PRKACB: variants seen among roughly 807,000 people sequenced by gnomAD.
The protein encoded by PRKACB is protein kinase cAMP-activated catalytic subunit beta, also known as cAMP-dependent protein kinase catalytic subunit beta.
A neutral mutation model predicts 51.4 loss-of-function variants in PRKACB; 16 were observed. The observed-to-expected ratio is 0.31, with a 90% CI of 0.21 to 0.47. The LOEUF (loss-of-function observed/expected upper bound fraction) is 0.47. PRKACB is among the 20% of genes least tolerant of loss of function. The pLI, the probability that PRKACB is intolerant of heterozygous loss-of-function variation, is 1.00. For synonymous variants in PRKACB, 147 were observed against 154.4 expected, an observed-to-expected ratio of 0.95 and a Z score of 0.35; for missense variants, 309 against 464.5, an observed-to-expected ratio of 0.67 and a Z score of 3.08.
intron 8 of PRKACB, among the ~76,000 whole-genome samples, chr1:84,209,907 T>C (rs997651959): frequency 1.8e-4 from 27 of 152,370 alleles, no homozygotes; most frequent in African/African-American, 6.5e-4. Flanking sequence ...TGAATTTCAA[T>C]TCATGCATTC....
chr1:84,142,149 T>C (rs982792807), upstream of PRKACB, among the ~76,000 whole-genome samples: 6 of 152,178 alleles, frequency 3.9e-5, no homozygotes, highest in African/African-American at 1.2e-4. Flanking sequence ...AACATGTTTA[T>C]TGAGTATGTA....
intron 1 of PRKACB, chr1:84,173,487 AGT>A: frequency 2.6e-6 from 2 of 775,572 alleles, no homozygotes; most frequent in Non-Finnish European, 4.1e-6. Flanking sequence ...AAATATTTTT[AGT>A]GTGTGTGTAT....
Position 84,188,414 on chromosome 1 carries a change from T to C in PRKACB, c.560+3232T>C, listed in dbSNP as rs1665809822. Among the ~76,000 whole-genome samples the C allele has an allele frequency of 3.9e-5, 6 of 151,970 alleles. 1 individual carries two copies. The highest frequency in any genetic ancestry group is 6.8e-3 in the Middle Eastern group (2 of 292). On this transcript the variant is annotated intron_variant, in intron 5 of 9. Transcript: ENST00000370685. Reference sequence around the variant, plus strand: ...ATTTAAGGGTACTTGTTGGGGTCTTTTCTATGAATCTGATTGTAAATAATT... The same window carrying C: ...ATTTAAGGGTACTTGTTGGGGTCTTCTCTATGAATCTGATTGTAAATAATT...
chr1:84,201,861 G>A (rs982402499), intron 7 of PRKACB, among the ~76,000 whole-genome samples: 4 of 151,928 alleles, frequency 2.6e-5, no homozygotes, highest in African/African-American at 9.7e-5. Context: ...TTAATATGAA[G>A]ATGTTATTCT....
intron 1 of PRKACB, among the ~76,000 whole-genome samples, chr1:84,091,430 A>G (rs776445287): frequency 3.7e-4 from 56 of 152,286 alleles, no homozygotes; most frequent in Non-Finnish European, 7.3e-4. Flanking sequence ...ATTTCTAAAT[A>G]CCTTTAGAAT....
In PRKACB at chr1:84,175,675, G is replaced by A. The variant is rs143281902; in HGVS notation, c.188-3502G>A. 192 of 730,528 alleles carry A rather than the reference G, an allele frequency of 2.6e-4. No individual in the cohort carries two copies. The African/African-American group carries it at 3.1e-3, about 12-fold the overall frequency. 45.3% of individuals were successfully genotyped at this position (730,528 alleles called of 1,614,324 possible). A position where few individuals can be genotyped will look rare whatever the true frequency, so the allele number is the denominator to read the frequency against. On this transcript the variant is annotated intron_variant, in intron 1 of 9. Coordinates refer to ENST00000370685, the MANE Select transcript of PRKACB (RefSeq NM_182948.4). ...ATAAATACATTGAAAAATTTGAGGG[G>A]GGATAAGAAGTAAGTTGTGTTTTTA... is the stretch of plus-strand genomic sequence containing the variant.
intron 5 of PRKACB, among the ~76,000 whole-genome samples, chr1:84,191,663 A>G (rs1339129790): frequency 3.3e-5 from 5 of 152,076 alleles, no homozygotes; most frequent in Non-Finnish European, 7.4e-5. Context: ...AACAGTAGAC[A>G]CTAGGGACTA....
chr1:84,204,993 C>T (rs1266372150), intron 8 of PRKACB: 3 of 983,096 alleles, frequency 3.1e-6, no homozygotes, highest in Non-Finnish European at 3.6e-6. Context: ...AAAATCATAA[C>T]AGTCTAAATC....
At chr1:84,219,996 G>A (rs1673467288) in intron 9 of PRKACB, among the ~76,000 whole-genome samples, 1 of 151,726 alleles carries the variant, frequency 6.6e-6, no homozygotes, top group African/African-American at 2.4e-5. Flanking sequence ...ACTATCATTG[G>A]TATTTTGATA....
upstream of PRKACB, among the ~76,000 whole-genome samples, chr1:84,142,522 A>G (rs1653517303): frequency 6.6e-6 from 1 of 152,202 alleles, no homozygotes; most frequent in African/African-American, 2.4e-5. Flanking sequence ...TGCACACATA[A>G]TATTTATACA....
chr1:84,114,651 T>A (rs1187542424), intron 1 of PRKACB, among the ~76,000 whole-genome samples: 1 of 152,168 alleles, frequency 6.6e-6, no homozygotes, highest in African/African-American at 2.4e-5. Context: ...ACCCTTTAAT[T>A]CACTTCTCTT....
chr1:84,183,989 T>G, intron 3 of PRKACB, 48 bp from the exon 4 acceptor site: 1 of 1,472,924 alleles, frequency 6.8e-7, no homozygotes, highest in South Asian at 1.5e-5. Context: ...ATGATAACTT[T>G]TTAATTTTGC....
At chr1:84,130,783 G>A (rs888108090) in intron 1 of PRKACB, among the ~76,000 whole-genome samples, 1 of 152,090 alleles carries the variant, frequency 6.6e-6, no homozygotes, top group South Asian at 2.1e-4. Context: ...GCTAAGGAAA[G>A]TTATTTAAAC....
At chr1:84,222,525 A>G (rs187788939) in intron 9 of PRKACB, among the ~76,000 whole-genome samples, 273 of 152,078 alleles carry the variant, frequency 1.8e-3, no homozygotes, top group Non-Finnish European at 2.4e-3. Flanking sequence ...GTTTATCATT[A>G]TAGTTTGGTG....
At chr1:84,199,854 T>G (rs1395104540) in intron 7 of PRKACB, among the ~76,000 whole-genome samples, 3 of 152,038 alleles carry the variant, frequency 2.0e-5, no homozygotes, top group Admixed American at 2.0e-4. Flanking sequence ...ATTTATTTAT[T>G]TATTTTCTGG....
At chr1:84,145,581 A>G (rs149574269) in intron 1 of PRKACB, among the ~76,000 whole-genome samples, 2 of 152,040 alleles carry the variant, frequency 1.3e-5, no homozygotes, top group African/African-American at 4.8e-5. Flanking sequence ...TAAATCAGAA[A>G]TTTTTTTACA....
At chr1:84,109,474 A>G (rs190897111) in intron 1 of PRKACB, among the ~76,000 whole-genome samples, 8 of 152,012 alleles carry the variant, frequency 5.3e-5, no homozygotes, top group Admixed American at 1.3e-4. Flanking sequence ...ATGCATATGT[A>G]CTGTCTTTTA....
intron 1 of PRKACB, among the ~76,000 whole-genome samples, chr1:84,157,840 G>T (rs1196755912): frequency 6.6e-6 from 1 of 152,124 alleles, no homozygotes; most frequent in Non-Finnish European, 1.5e-5. Context: ...TGGCCATTTG[G>T]ATAATGTTGC....
intron 1 of PRKACB, among the ~76,000 whole-genome samples, chr1:84,108,406 GA>G (rs1207331247): frequency 6.6e-6 from 1 of 151,846 alleles, no homozygotes; most frequent in Admixed American, 6.6e-5. Flanking sequence ...CCTGGGTGAT[GA>G]AAAAATCTGT....
Sources: gnomAD v4.1 joint callset for allele counts (sites outside exome capture counted in the v4.1 genomes callset) on GRCh38, gnomAD v4.1.1 for gene constraint, MANE v1.5 for transcripts, NCBI Gene and HGNC (gene_info 2026-07-23, HGNC 2026-07-21) for gene names.